The following MYDGF variants were observed in gnomAD, a reference collection of about 807,000 sequenced individuals.
MYDGF encodes myeloid derived growth factor, also known as myeloid-derived growth factor.
A neutral mutation model predicts 24.2 loss-of-function variants in MYDGF; 29 were observed. That is an observed-to-expected ratio of 1.20 (90% CI 0.89 to 1.63). MYDGF has a LOEUF of 1.63. Ranked by LOEUF, MYDGF falls within the 40% of genes most tolerant of loss-of-function variation. The pLI, the probability that MYDGF is intolerant of heterozygous loss-of-function variation, is 0.00. For synonymous variants in MYDGF, 105 were observed against 102.5 expected, an observed-to-expected ratio of 1.02 and a Z score of -0.15; for missense variants, 245 against 234.8, an observed-to-expected ratio of 1.04 and a Z score of -0.29.
intron 1 of MYDGF, among the ~76,000 whole-genome samples, chr19:4,669,105 T>G (rs1301908422): frequency 1.3e-5 from 2 of 152,200 alleles, no homozygotes; most frequent in African/African-American, 4.8e-5. Flanking sequence ...CTCTTTTTTA[T>G]GTGAAGCATT....
chr19:4,664,755 C>T (rs1387360255), intron 3 of MYDGF, 121 bp downstream of exon 3: 1 of 1,125,908 alleles, frequency 8.9e-7, no homozygotes, highest in African/African-American at 1.6e-5. Context: ...CATGAGTCTC[C>T]CTGCTGGTCT....
chr19:4,670,111 C>T, intron 1 of MYDGF, 50 bp downstream of exon 1: 5 of 1,426,210 alleles, frequency 3.5e-6, no homozygotes, highest in African/African-American at 1.5e-5. Context: ...TCCGCGCCCC[C>T]TCCCCGGGCC....
chr19:4,666,472 C>T (rs962407187), intron 2 of MYDGF, among the ~76,000 whole-genome samples: 1 of 151,904 alleles, frequency 6.6e-6, no homozygotes, highest in African/African-American at 2.4e-5. Flanking sequence ...GATGGGGTTT[C>T]ACCATCTTAG....
rs1402974278 is a variant in MYDGF at position 4,657,858 on chromosome 19, A to C, written c.*147T>G. 1.4e-6 allele frequency: 1 copy of C among 699,036 alleles called. No individual in the cohort carries two copies. The highest frequency in any genetic ancestry group is 2.3e-6 in the Non-Finnish European group (1 of 435,018). 43.3% of individuals were successfully genotyped at this position (699,036 alleles called of 1,614,324 possible). A position where few individuals can be genotyped will look rare whatever the true frequency, so the allele number is the denominator to read the frequency against. On this transcript the variant is annotated 3_prime_UTR_variant, in exon 6 of 6. Coordinates refer to ENST00000262947, the MANE Select transcript of MYDGF (RefSeq NM_019107.4). ...GCCCCAGGGCTTCAGCCACCCTGCAAGCCCCTCCGGACAAGGCAACGTCAG... is the reference window on the plus strand; with the variant it reads ...GCCCCAGGGCTTCAGCCACCCTGCACGCCCCTCCGGACAAGGCAACGTCAG...
chr19:4,668,508 G>C (rs2088537228), intron 2 of MYDGF, 87 bp downstream of exon 2: 4 of 1,201,160 alleles, frequency 3.3e-6, no homozygotes, highest in East Asian at 4.7e-5. Context: ...ATATAGGTGA[G>C]ACCCAACCCT....
intron 2 of MYDGF, among the ~76,000 whole-genome samples, chr19:4,665,820 C>CAAAAAAAAA (rs533879529): frequency 1.1e-4 from 5 of 45,490 alleles, no homozygotes; most frequent in East Asian, 1.2e-3. Flanking sequence ...GACTCTGTCT[C>CAAAAAAAAA]AAAAAAAAAA....
At position 4,657,834 on chromosome 19, in the gene MYDGF, C is replaced by T; in HGVS notation, c.*171G>A. On this transcript the variant is annotated 3_prime_UTR_variant, in exon 6 of 6. Coordinates refer to ENST00000262947, the MANE Select transcript of MYDGF (RefSeq NM_019107.4). ...AGGGCCCTGGACCCTCTGTTCTCTG[C>T]CCCAGGGCTTCAGCCACCCTGCAAG... The T allele has an allele frequency of 5.2e-6, 3 of 578,914 alleles. No homozygotes were observed. Among genetic ancestry groups the T allele is most frequent in the South Asian group, 2.2e-5 (1 of 44,510 alleles). 35.9% of individuals were successfully genotyped at this position (578,914 alleles called of 1,614,324 possible).
At chr19:4,670,010 C>G (rs549909623) in intron 1 of MYDGF, 151 bp downstream of exon 1, 20 of 879,296 alleles carry the variant, frequency 2.3e-5, no homozygotes, top group Non-Finnish European at 2.8e-5. Context: ...CCCGCGCCCC[C>G]CACTCAGCCT....
At chr19:4,659,696 C>T (rs781420102) in intron 5 of MYDGF, 298 of 577,048 alleles carry the variant, frequency 5.2e-4, no homozygotes, top group Non-Finnish European at 7.0e-4. Flanking sequence ...GCCACACCCA[C>T]GCATGGACAT....
At chr19:4,668,849 ATTT>A (rs59730499) in intron 1 of MYDGF, among the ~76,000 whole-genome samples, 2 of 140,370 alleles carry the variant, frequency 1.4e-5, no homozygotes, top group African/African-American at 2.7e-5. Context: ...CACCCGACTA[ATTT>A]TTTTTTTTTT....
chr19:4,660,566 T>A, intron 4 of MYDGF, 103 bp downstream of exon 4: 1 of 1,117,706 alleles, frequency 8.9e-7, no homozygotes, highest in Non-Finnish European at 1.3e-6. Context: ...CGCTGTCCCC[T>A]CTCCTCCCTG....
chr19:4,660,839 G>T, intron 3 of MYDGF, 89 bp from the exon 4 acceptor site: 1 of 1,097,550 alleles, frequency 9.1e-7, no homozygotes, highest in Non-Finnish European at 1.3e-6. Flanking sequence ...AGGGACTCGG[G>T]CTGGGGTCAG....
rs774318939 is a variant in MYDGF, at chr19:4,657,980, G to A, written c.*25C>T. On this transcript the variant is annotated 3_prime_UTR_variant, in exon 6 of 6. Transcript: ENST00000262947. ...CTTCAGCTTCACCGGAGATGAGAAG[G>A]TGCCACCCGCAACAGGGCTGCTGGT... 3 of 1,594,518 alleles carry A rather than the reference G, an allele frequency of 1.9e-6. No homozygotes were observed. The highest frequency in any genetic ancestry group is 2.6e-6 in the Non-Finnish European group (3 of 1,171,588).
At chr19:4,667,300 T>C (rs1459922129) in intron 2 of MYDGF, among the ~76,000 whole-genome samples, 1 of 152,016 alleles carries the variant, frequency 6.6e-6, no homozygotes, top group Non-Finnish European at 1.5e-5. Flanking sequence ...GGCTAATTTT[T>C]TGTATTTTTA....
chr19:4,669,132 G>A (rs2088543164), intron 1 of MYDGF, among the ~76,000 whole-genome samples: 1 of 152,172 alleles, frequency 6.6e-6, no homozygotes, highest in South Asian at 2.1e-4. Flanking sequence ...TCTGTAACTT[G>A]GGCCTAACAT....
In MYDGF at chr19:4,670,169, C is replaced by T. The variant is rs779741275; in HGVS notation, c.166G>A (p.Gly56Ser). The T allele has an allele frequency of 4.6e-6, 7 of 1,536,964 alleles. No homozygotes were observed. The highest frequency in any genetic ancestry group is 1.4e-5 in the African/African-American group (1 of 69,888). Residue 56 changes from glycine to serine, a missense_variant, in exon 1 of 6, where the codon GGC (glycine) becomes AGC (serine). Transcript: ENST00000262947. ...ACGGCGGTGGCACGTACCCCCGGGC[C>T]CACGTTATGGGAGAAGGAATGCACG... is the stretch of plus-strand genomic sequence containing the variant. ...GVVHSFSHNV[G>S]PGDKYTCMFT...
At chr19:4,664,744 G>T (rs1165550404) in intron 3 of MYDGF, 132 bp downstream of exon 3, 5 of 982,032 alleles carry the variant, frequency 5.1e-6, no homozygotes, top group Non-Finnish European at 6.0e-6. Context: ...ACCTGCACGT[G>T]CATGAGTCTC....
intron 3 of MYDGF, among the ~76,000 whole-genome samples, chr19:4,661,960 C>G (rs1400309925): frequency 2.0e-5 from 3 of 152,146 alleles, no homozygotes; most frequent in Admixed American, 1.3e-4. Context: ...GGGCAGTGGC[C>G]TGCAGACAGA....
intron 1 of MYDGF, 79 bp downstream of exon 1, chr19:4,670,082 C>T: frequency 3.7e-6 from 5 of 1,360,004 alleles, no homozygotes; most frequent in East Asian, 3.0e-5. Flanking sequence ...GCCCCCTCCT[C>T]GGGCCCCGCC....
Sources: allele counts gnomAD v4.1 joint callset (sites outside exome capture counted in the v4.1 genomes callset), GRCh38; gene constraint gnomAD v4.1.1; transcripts MANE v1.5; gene names NCBI Gene and HGNC (gene_info 2026-07-23, HGNC 2026-07-21).